EEF2: variants seen among roughly 807,000 people sequenced by gnomAD.
EEF2 encodes eukaryotic translation elongation factor 2.
In EEF2, 21 loss-of-function variants were observed where a neutral mutation model predicts 85.3. The ratio of observed to expected loss-of-function variants is 0.25; its 90% CI spans 0.17 to 0.35. The LOEUF (loss-of-function observed/expected upper bound fraction) is 0.35, where lower values mean the gene tolerates loss of function less well. EEF2 is among the 10% of genes least tolerant of loss of function. EEF2 has a pLI of 1.00. For missense variants in EEF2, 825 were observed against 1,225.3 expected, an observed-to-expected ratio of 0.67 and a Z score of 4.88; for synonymous variants, 723 against 508.8, an observed-to-expected ratio of 1.42 and a Z score of -5.67.
intron 1 of EEF2, 63 bp downstream of exon 1, chr19:3,985,315 C>T: frequency 4.3e-6 from 6 of 1,384,110 alleles, no homozygotes; most frequent in South Asian, 1.7e-5. Flanking sequence ...CCAGGCTAGG[C>T]AGCGTAGGCC....
intron 2 of EEF2, among the ~76,000 whole-genome samples, chr19:3,983,692 G>C (rs1329737335): frequency 1.3e-5 from 2 of 152,044 alleles, no homozygotes; most frequent in African/African-American, 4.8e-5. Flanking sequence ...CCTCACCAAT[G>C]TACCAACCCA....
rs760185296 is a variant in EEF2, at chr19:3,981,366, C to T, written c.984G>A (p.Lys328=). Residue 328 remains lysine, a synonymous_variant, in exon 7 of 15, where the codon AAG becomes AAA. Transcript: ENST00000309311. ...KLDIKLDSED[K]DKEGKPLLKA... ...TCAGCAGGGGTTTGCCTTCTTTGTC[C>T]TTGTCCTCGCTGTCCAGTTTGATGT... is the stretch of plus-strand genomic sequence containing the variant. 21 of 1,614,132 alleles carry T rather than the reference C, an allele frequency of 1.3e-5. No homozygotes were observed. Among genetic ancestry groups the T allele is most frequent in the South Asian group, 1.1e-4 (10 of 91,090 alleles).
rs556870908 is a variant in EEF2 at position 3,981,634 on chromosome 19, G to C, written c.898-182C>G. Among the ~76,000 whole-genome samples the C allele has an allele frequency of 2.6e-5, 4 of 152,344 alleles. No individual in the cohort carries two copies. In the South Asian group the frequency reaches 8.3e-4, roughly 32 times the overall value. On this transcript the variant is annotated intron_variant, in intron 6 of 14. Coordinates refer to ENST00000309311, the MANE Select transcript of EEF2 (RefSeq NM_001961.4). ...CGGATCGGGAGCTGGAGGAAACCTC[G>C]TGGTGGAGCAGAGGAAAAAGCCCAC...
chr19:3,982,220 C>G (rs367733834), intron 5 of EEF2, 26 bp downstream of exon 5: 1 of 1,611,654 alleles, frequency 6.2e-7, no homozygotes, highest in Non-Finnish European at 8.5e-7. Flanking sequence ...TGTCAGGAAT[C>G]CCCCACCATA....
chr19:3,984,504 C>G (rs1377341257), intron 1 of EEF2, among the ~76,000 whole-genome samples, 154 bp from the exon 2 acceptor site: 1 of 152,150 alleles, frequency 6.6e-6, no homozygotes, highest in Admixed American at 6.6e-5. Flanking sequence ...GCCTAACACC[C>G]CTTAAGAGCC....
At position 3,983,291 on chromosome 19, in the gene EEF2, A is replaced by C. The variant is rs759845519; in HGVS notation, c.219T>G (p.Thr73=). Residue 73 remains threonine (T), a splice_region_variant and synonymous_variant, in exon 3 of 15, where the codon ACT becomes ACG. Coordinates refer to ENST00000309311, the MANE Select transcript of EEF2 (RefSeq NM_001961.4). ...EQERCITIKS[T]AISLFYELSE... ...AGAGCTCGTAGAAGAGGGAGATGGC[A>C]CTGATGGAGGGAGGGACTCGTCAGG... The C allele has an allele frequency of 8.1e-6, 13 of 1,612,762 alleles. No homozygotes were observed. In the Admixed American group the frequency reaches 2.2e-4, roughly 27 times the overall value.
intron 11 of EEF2, among the ~76,000 whole-genome samples, chr19:3,978,432 A>G (rs1321244031): frequency 6.6e-6 from 1 of 152,138 alleles, no homozygotes; most frequent in African/African-American, 2.4e-5. Flanking sequence ...GGAAGAAACG[A>G]GGTCTGGAGC....
chr19:3,982,516 C>T, intron 4 of EEF2, 92 bp from the exon 5 acceptor site: 1 of 1,500,396 alleles, frequency 6.7e-7, no homozygotes, highest in African/African-American at 1.4e-5. Context: ...GCCTCAGACG[C>T]AGGCTTTCTT....
intron 6 of EEF2, 61 bp downstream of exon 6, chr19:3,981,886 G>C (rs1188678969): frequency 6.6e-7 from 1 of 1,513,236 alleles, no homozygotes. Context: ...ACCGGCCGGA[G>C]CCCACAGGGC....
Position 3,977,794 on chromosome 19 carries a change from C to A in EEF2, c.2067+25G>T. On this transcript the variant is annotated intron_variant, in intron 12 of 14. Coordinates refer to ENST00000309311, the MANE Select transcript of EEF2 (RefSeq NM_001961.4). The surrounding 1 kb of genome is among the most constrained non-coding windows in gnomAD (Gnocchi z 5.4). Reference sequence around the variant, plus strand: ...TCTAGAGCCTGGAAACGGGTGTGGTCTGCACATGCTGAGCCGTGCCTCACC... The same window carrying A: ...TCTAGAGCCTGGAAACGGGTGTGGTATGCACATGCTGAGCCGTGCCTCACC... 2 of 1,555,750 alleles carry A rather than the reference C, an allele frequency of 1.3e-6. No homozygotes were observed. Among genetic ancestry groups the A allele is most frequent in the South Asian group, 2.4e-5 (2 of 83,500 alleles).
chr19:3,976,718 C>T lies in EEF2; in HGVS notation c.2413G>A (p.Gly805Ser). The change falls in exon 15 of 15, where the codon GGC (glycine) becomes AGC (serine). Residue 805 changes from glycine to serine, a missense_variant. By Grantham distance (56) the Gly-to-Ser change is moderately conservative. Coordinates refer to ENST00000309311, the MANE Select transcript of EEF2 (RefSeq NM_001961.4). ...ACACACTGGGGGAACGCCTGGCCGC[C>T]CGTGTTGGACCTCAGGTCAGCGGTG... Reference protein sequence around the residue: ...GFTADLRSNTGGQAFPQCVFD... With the variant: ...GFTADLRSNTSGQAFPQCVFD... 6.3e-7 allele frequency: 1 copy of T among 1,598,642 alleles called. No homozygotes were observed. The highest frequency in any genetic ancestry group is 1.1e-5 in the South Asian group (1 of 89,616).
At position 3,977,381 on chromosome 19, in the gene EEF2, G is replaced by A. The variant is rs770164294; in HGVS notation, c.2251-34C>T. The A allele has an allele frequency of 2.6e-5, 42 of 1,592,376 alleles. No individual in the cohort carries two copies. Among genetic ancestry groups the A allele is most frequent in the East Asian group, 1.1e-4 (5 of 44,174 alleles). On this transcript the variant is annotated intron_variant, in intron 13 of 14. Transcript: ENST00000309311. The surrounding 1 kb of genome is among the most constrained non-coding windows in gnomAD (Gnocchi z 5.4). Reference sequence around the variant, plus strand: ...AGGGAAAGAAAACCTGTCAGTGGCCGCTGGGCAGGACGGTGGCAGGGTCAG... The same window carrying A: ...AGGGAAAGAAAACCTGTCAGTGGCCACTGGGCAGGACGGTGGCAGGGTCAG...
Position 3,984,406 on chromosome 19 carries a change from C to T in EEF2, c.4-56G>A, listed in dbSNP as rs377288049. Reference sequence around the variant, plus strand: ...CGTGATTTCCAGGAACACAGCATGGCACGGAGCGTTCAGTCCAAACGAACC... The same window carrying T: ...CGTGATTTCCAGGAACACAGCATGGTACGGAGCGTTCAGTCCAAACGAACC... On this transcript the variant is annotated intron_variant, in intron 1 of 14. Coordinates refer to ENST00000309311, the MANE Select transcript of EEF2 (RefSeq NM_001961.4). 2,591 of 1,579,832 alleles carry T rather than the reference C, an allele frequency of 1.6e-3. 53 individuals carry two copies. The South Asian group carries it at 0.027, about 17-fold the overall frequency.
chr19:3,982,025 G>A lies in EEF2; in HGVS notation c.819C>T (p.Phe273=), dbSNP rs1196027427. ...CTTCGGGGCTGGTGGCTGACTTGCT[G>A]AACTTGCCGTTGGCTGGGTCAAAGT... ...DRYFDPANGK[F]SKSATSPEGK... is the part of the protein sequence containing the mutation. Residue 273 remains phenylalanine (F), a synonymous_variant, in exon 6 of 15, where the codon TTC becomes TTT. Transcript: ENST00000309311. 6.2e-7 allele frequency: 1 copy of A among 1,614,046 alleles called. No individual in the cohort carries two copies. Among genetic ancestry groups the A allele is most frequent in the Non-Finnish European group, 8.5e-7 (1 of 1,180,028 alleles).
Position 3,977,314 on chromosome 19 carries a change from C to A in EEF2, c.2284G>T (p.Val762Phe). ...PEQVVGGIYG[V>F]LNRKRGHVFE... is the part of the protein sequence containing the mutation. Reference sequence around the variant, plus strand: ...ACGTGGCCCCGCTTCCTGTTCAAAACCCCGTAGATGCCACCGACCACCTGC... The same window carrying A: ...ACGTGGCCCCGCTTCCTGTTCAAAAACCCGTAGATGCCACCGACCACCTGC... Residue 762 changes from valine (V) to phenylalanine (F), a missense_variant, in exon 14 of 15, where the codon GTT becomes TTT. Transcript: ENST00000309311. This position sits in a 1 kb window ranked among gnomAD's most constrained non-coding sequence, Gnocchi z 5.4. 6.2e-7 allele frequency: 1 copy of A among 1,600,384 alleles called. No homozygotes were observed. The highest frequency in any genetic ancestry group is 8.5e-7 in the Non-Finnish European group (1 of 1,173,712).
At position 3,977,508 on chromosome 19, in the gene EEF2, TG is replaced by T; in HGVS notation, c.2169del (p.Thr724GlnfsTer11). The T allele has an allele frequency of 6.3e-7, 1 of 1,591,774 alleles. No homozygotes were observed. ...CTGGCATAGAGGCAGCGCCGTGCTG[TG>T]GGGATGATCTGGCCCCCTCCGCGGT... is the stretch of plus-strand genomic sequence containing the variant. Reference protein sequence around the residue: ...AIHRGGGQIIPTARRCLYASV... With the variant: ...AIHRGGGQIIXTARRCLYASV... On this transcript the variant is annotated frameshift_variant, in exon 13 of 15. Coordinates refer to ENST00000309311, the MANE Select transcript of EEF2 (RefSeq NM_001961.4). LOFTEE classifies it high-confidence loss of function. This position sits in a 1 kb window ranked among gnomAD's most constrained non-coding sequence, Gnocchi z 5.4.
rs929612897 is a variant in EEF2 at position 3,982,086 on chromosome 19, G to A, written c.792-34C>T. On this transcript the variant is annotated intron_variant, in intron 5 of 14. Coordinates refer to ENST00000309311, the MANE Select transcript of EEF2 (RefSeq NM_001961.4). ...GAGAGGCCAAGCCAAATCAAGTTAG[G>A]GTCTCCAGGGGATGACTTGGGGAGG... 3.1e-6 allele frequency: 5 copies of A among 1,610,496 alleles called. No individual in the cohort carries two copies. In the African/African-American group the frequency reaches 5.3e-5, roughly 17 times the overall value.
intron 6 of EEF2, 45 bp downstream of exon 6, chr19:3,981,902 G>C: frequency 6.3e-7 from 1 of 1,579,250 alleles, no homozygotes; most frequent in Non-Finnish European, 8.7e-7. Context: ...AGGGCCGAGG[G>C]CCAATAGTCG....
chr19:3,979,520 A>AC lies in EEF2; in HGVS notation c.1606-85dup, dbSNP rs1245097405. The AC allele has an allele frequency of 2.5e-6, 3 of 1,212,262 alleles. No homozygotes were observed. In the African/African-American group the frequency reaches 4.5e-5, roughly 18 times the overall value. 75.1% of individuals were successfully genotyped at this position (1,212,262 alleles called of 1,614,324 possible). On this transcript the variant is annotated intron_variant, in intron 10 of 14. Coordinates refer to ENST00000309311, the MANE Select transcript of EEF2 (RefSeq NM_001961.4). ...GCTCCCAGCTTCCCTTTAGCTAGGGACCCCGCCAGAACAAGATTTCAGGGA... is the reference window on the plus strand; with the variant it reads ...GCTCCCAGCTTCCCTTTAGCTAGGGACCCCCGCCAGAACAAGATTTCAGGGA...
Sources: gnomAD v4.1 joint callset for allele counts (sites outside exome capture counted in the v4.1 genomes callset) on GRCh38, gnomAD v4.1.1 for gene constraint, Gnocchi (gnomAD v3.1) non-coding constraint, MANE v1.5 for transcripts, NCBI Gene and HGNC (gene_info 2026-07-23, HGNC 2026-07-21) for gene names.